Variants in F10 observed in about 807,000 individuals in gnomAD.
F10 encodes the protein Stuart-Prower factor.
A neutral mutation model predicts 37.1 loss-of-function variants in F10; 29 were observed. That is an observed-to-expected ratio of 0.78 (90% CI 0.58 to 1.07). The LOEUF (loss-of-function observed/expected upper bound fraction) is 1.07, where lower values mean the gene tolerates loss of function less well. F10 is among the 50% of genes least tolerant of loss of function. The pLI is 0.00. For missense variants in F10, 539 were observed against 667.9 expected (o/e 0.81, Z 2.13); for synonymous variants, 262 against 268.6 (o/e 0.98, Z 0.24).
rs5806975 is a variant in F10 at position 113,142,762 on chromosome 13, TAA to T, written c.503-1079_503-1078del. Among the ~76,000 whole-genome samples, 24 of 127,832 alleles carry T rather than the reference TAA, an allele frequency of 1.9e-4. No individual in the cohort carries two copies. In the East Asian group the frequency reaches 2.1e-3, roughly 11 times the overall value. 83.9% of individuals were successfully genotyped at this position (127,832 alleles called of 152,430 possible). Reference sequence around the variant, plus strand: ...CCAACATGGTGAAACCCTGTCTCTATAAAAAAAAAAATACAAAAACTTAGCTG... The same window carrying T: ...CCAACATGGTGAAACCCTGTCTCTATAAAAAAAAATACAAAAACTTAGCTG... On this transcript the variant is annotated intron_variant, in intron 5 of 7. Transcript: ENST00000375559.
rs1314295317 is a variant in F10 at position 113,139,182 on chromosome 13, A to C, written c.257-175A>C. 6.6e-6 allele frequency among the ~76,000 whole-genome samples: 1 copy of C among 152,218 alleles called. No individual in the cohort carries two copies. Among genetic ancestry groups the C allele is most frequent in the Non-Finnish European group, 1.5e-5 (1 of 68,026 alleles). ...ACCTAGATAAAGGCATCACGTACAC[A>C]TGGCCACAAAAGGGGGTGGATCAAA... is the stretch of plus-strand genomic sequence containing the variant. On this transcript the variant is annotated intron_variant, in intron 3 of 7. Coordinates refer to ENST00000375559, the MANE Select transcript of F10 (RefSeq NM_000504.4). This position sits in a 1 kb window ranked among gnomAD's most constrained non-coding sequence, Gnocchi z 5.2.
chr13:113,147,571 G>A (rs1399630696), intron 7 of F10, 75 bp downstream of exon 7: 9 of 924,450 alleles, frequency 9.7e-6, no homozygotes, highest in Admixed American at 6.8e-5. Flanking sequence ...CACTAAAGCT[G>A]ATGGAATTTG....
At position 113,141,147 on chromosome 13, in the gene F10, G is replaced by T; in HGVS notation, c.502+97G>T. 1.9e-6 allele frequency: 3 copies of T among 1,552,454 alleles called. No homozygotes were observed. In the South Asian group the frequency reaches 3.4e-5, roughly 18 times the overall value. On this transcript the variant is annotated intron_variant, in intron 5 of 7. Coordinates refer to ENST00000375559, the MANE Select transcript of F10 (RefSeq NM_000504.4). The surrounding 1 kb of genome is among the most constrained non-coding windows in gnomAD (Gnocchi z 5.4). ...GGGTGGGGACACAGGCATGTTCTGG[G>T]CGGGCCTGGCAGGTAACAGTGACAC...
chr13:113,125,378 C>G (rs1022987778), intron 1 of F10, among the ~76,000 whole-genome samples: 1 of 152,202 alleles, frequency 6.6e-6, no homozygotes, highest in Admixed American at 6.5e-5. Context: ...GCTGGTAAAA[C>G]TTGCTCAAAT....
In F10 at chr13:113,143,703, G is replaced by GACA; in HGVS notation, c.503-148_503-147insACA. ...CAGATCCGACCCCTGCCGACGACGT[G>GACA]GGGCCTCGCCCTGCAAGCCCGCTGC... On this transcript the variant is annotated intron_variant, in intron 5 of 7. Coordinates refer to ENST00000375559, the MANE Select transcript of F10 (RefSeq NM_000504.4). This position sits in a 1 kb window ranked among gnomAD's most constrained non-coding sequence, Gnocchi z 6.8. 9.3e-6 allele frequency: 11 copies of GACA among 1,188,326 alleles called. No homozygotes were observed. Among genetic ancestry groups the GACA allele is most frequent in the Admixed American group, 7.1e-5 (3 of 42,352 alleles). 73.6% of individuals were successfully genotyped at this position (1,188,326 alleles called of 1,614,324 possible). A position where few individuals can be genotyped will look rare whatever the true frequency, so the allele number is the denominator to read the frequency against.
Position 113,136,863 on chromosome 13 carries a change from G to A in F10, c.232-1594G>A, listed in dbSNP as rs1267215012. Among the ~76,000 whole-genome samples, 11 of 24,404 alleles carry A rather than the reference G, an allele frequency of 4.5e-4. 3 individuals are homozygous for A. The highest frequency in any genetic ancestry group is 8.0e-4 in the African/African-American group (9 of 11,216). The allele number at this position is 24,404 out of a possible 152,430, so 16.0% of individuals were successfully genotyped here. ...GACGGGGTTTCACCGTTTTAGCTGG[G>A]ATGGTCTCGATCTCCTGACCTCGTG... On this transcript the variant is annotated intron_variant, in intron 2 of 7. Transcript: ENST00000375559.
chr13:113,130,867 A>T (rs144841093), intron 2 of F10: 2 of 152,376 alleles, frequency 1.3e-5, no homozygotes, highest in African/African-American at 4.8e-5. Context: ...TGCCTCAGGG[A>T]GACGTACTCA....
At chr13:113,140,801 G>T in intron 4 of F10, 118 bp from the exon 5 acceptor site, 1 of 1,512,572 alleles carries the variant, frequency 6.6e-7, no homozygotes, top group Non-Finnish European at 9.1e-7. Flanking sequence ...CTGGCCCTTT[G>T]CTCAACCCAA....
chr13:113,135,586 A>G (rs1323410293), intron 2 of F10, among the ~76,000 whole-genome samples: 1 of 152,118 alleles, frequency 6.6e-6, no homozygotes, highest in African/African-American at 2.4e-5. Context: ...TGGCCTAATC[A>G]CCTCCTAAAG....
chr13:113,134,104 T>G (rs891158707), intron 2 of F10, among the ~76,000 whole-genome samples: 4 of 152,198 alleles, frequency 2.6e-5, no homozygotes, highest in Non-Finnish European at 4.4e-5. Context: ...GTTTTCTCCC[T>G]GAGACTGGAA....
chr13:113,129,225 C>T (rs556235163), intron 1 of F10, among the ~76,000 whole-genome samples: 43 of 152,310 alleles, frequency 2.8e-4, no homozygotes, highest in Admixed American at 5.2e-4. Flanking sequence ...CCTGCTTCCC[C>T]TCATGGCCTC....
chr13:113,142,011 A>T (rs1462056167), intron 5 of F10, among the ~76,000 whole-genome samples: 1 of 152,166 alleles, frequency 6.6e-6, no homozygotes, highest in Non-Finnish European at 1.5e-5. Flanking sequence ...TTCTTACCGA[A>T]AACAATTTAC....
chr13:113,144,277 T>C lies in F10; in HGVS notation c.747+182T>C. Reference sequence around the variant, plus strand: ...CCTCCCTCCGGGCAGCCAAGGAGGCTGTGAGCTCCACAGGGAAGTGGCCGG... The same window carrying C: ...CCTCCCTCCGGGCAGCCAAGGAGGCCGTGAGCTCCACAGGGAAGTGGCCGG... On this transcript the variant is annotated intron_variant, in intron 6 of 7. Transcript: ENST00000375559. The surrounding 1 kb of genome is among the most constrained non-coding windows in gnomAD (Gnocchi z 6.4). 1 of 894,712 alleles carries C rather than the reference T, an allele frequency of 1.1e-6. No individual in the cohort carries two copies. 55.4% of individuals were successfully genotyped at this position (894,712 alleles called of 1,614,324 possible).
At chr13:113,124,152 C>T (rs547220798) in intron 1 of F10, among the ~76,000 whole-genome samples, 1 of 150,742 alleles carries the variant, frequency 6.6e-6, no homozygotes, top group Admixed American at 6.6e-5. Flanking sequence ...CCGGGGCTCC[C>T]GAGGCCCTAA....
intron 1 of F10, among the ~76,000 whole-genome samples, chr13:113,125,808 T>G (rs1023822880): frequency 6.6e-6 from 1 of 152,256 alleles, no homozygotes; most frequent in African/African-American, 2.4e-5. Flanking sequence ...GGCATACAGC[T>G]GTGACCAAAC....
At chr13:113,133,516 A>T (rs531967604) in intron 2 of F10, among the ~76,000 whole-genome samples, 1 of 152,298 alleles carries the variant, frequency 6.6e-6, no homozygotes, top group South Asian at 2.1e-4. Flanking sequence ...GGTGAAAGAG[A>T]TACCTGCCAA....
At chr13:113,148,399 TACACAC>T (rs10672302) in intron 7 of F10, among the ~76,000 whole-genome samples, 1 of 138,620 alleles carries the variant, frequency 7.2e-6, no homozygotes, top group Admixed American at 7.6e-5. Context: ...TACATATATA[TACACAC>T]ACACACACAA....
chr13:113,137,044 C>T (rs2036485795), intron 2 of F10, among the ~76,000 whole-genome samples: 1 of 152,180 alleles, frequency 6.6e-6, no homozygotes, highest in Non-Finnish European at 1.5e-5. Flanking sequence ...CTCAGCCTCC[C>T]AAAGTGCTGG....
chr13:113,135,947 G>A (rs1159416555), intron 2 of F10, among the ~76,000 whole-genome samples: 4 of 152,068 alleles, frequency 2.6e-5, no homozygotes, highest in African/African-American at 9.7e-5. Context: ...CTGTTAAGAG[G>A]ATGAAAATAC....
Sources: gnomAD v4.1 joint callset for allele counts (sites outside exome capture counted in the v4.1 genomes callset) on GRCh38, gnomAD v4.1.1 for gene constraint, Gnocchi (gnomAD v3.1) non-coding constraint, MANE v1.5 for transcripts, NCBI Gene and HGNC (gene_info 2026-07-23, HGNC 2026-07-21) for gene names.